ACAD11: variants seen among roughly 807,000 people sequenced by gnomAD.
ACAD11 encodes acyl-Coenzyme A dehydrogenase family, member 11.
Under a neutral mutation model 102.2 loss-of-function variants are expected in ACAD11, and 83 were observed. That is an observed-to-expected ratio of 0.81 (90% CI 0.68 to 0.97). ACAD11 has a LOEUF of 0.97. ACAD11 is among the 50% of genes least tolerant of loss of function. ACAD11 has a pLI of 0.00. For synonymous variants in ACAD11, 324 were observed against 319.8 expected, an observed-to-expected ratio of 1.01 and a Z score of -0.14; for missense variants, 901 against 951.7, an observed-to-expected ratio of 0.95 and a Z score of 0.70.
intron 11 of ACAD11, among the ~76,000 whole-genome samples, chr3:132,608,734 G>A (rs1351441792): frequency 4.6e-5 from 7 of 152,102 alleles, no homozygotes; most frequent in East Asian, 3.9e-4. Flanking sequence ...ACAGGTCGAC[G>A]AGACAGAAAA....
chr3:132,559,504 C>T (rs899950805), intron 19 of ACAD11, among the ~76,000 whole-genome samples: 18 of 152,044 alleles, frequency 1.2e-4, no homozygotes, highest in African/African-American at 4.3e-4. Context: ...GGAGAATGTT[C>T]CTTTCTGCCT....
chr3:132,592,565 T>A (rs1330722137), intron 13 of ACAD11, among the ~76,000 whole-genome samples: 1 of 152,194 alleles, frequency 6.6e-6, no homozygotes, highest in Non-Finnish European at 1.5e-5. Flanking sequence ...AAAGGAGAGA[T>A]GATAGGTGGA....
At chr3:132,646,852 ATAT>A (rs1274209686) in intron 1 of ACAD11, among the ~76,000 whole-genome samples, 1 of 152,226 alleles carries the variant, frequency 6.6e-6, no homozygotes, top group African/African-American at 2.4e-5. Context: ...AAAAGACTAC[ATAT>A]TATGTGATTC....
chr3:132,652,405 G>C (rs1313782532), intron 1 of ACAD11, among the ~76,000 whole-genome samples: 3 of 152,220 alleles, frequency 2.0e-5, no homozygotes, highest in African/African-American at 7.2e-5. Flanking sequence ...GTCTTTATTA[G>C]CAATATGAGA....
Position 132,611,818 on chromosome 3 carries a change from C to G in ACAD11, c.1415-6613G>C, listed in dbSNP as rs141073471. On this transcript the variant is annotated intron_variant, in intron 11 of 19. Coordinates refer to ENST00000264990, the MANE Select transcript of ACAD11 (RefSeq NM_032169.5). ...TACAGCCCAAGGTAATTTATAGATT[C>G]AATGCCATCCCCATCAAGCTACCAA... Among the ~76,000 whole-genome samples, 136 of 152,122 alleles carry G rather than the reference C, an allele frequency of 8.9e-4. 2 individuals are homozygous for G. The highest frequency in any genetic ancestry group is 2.9e-3 in the African/African-American group (122 of 41,406).
intron 13 of ACAD11, chr3:132,600,520 A>G: frequency 6.2e-7 from 1 of 1,613,936 alleles, no homozygotes; most frequent in Non-Finnish European, 8.5e-7. Flanking sequence ...AATTTGCAAA[A>G]GTTTTCCTCC....
intron 17 of ACAD11, among the ~76,000 whole-genome samples, chr3:132,569,863 T>C (rs1356170287): frequency 6.6e-6 from 1 of 152,148 alleles, no homozygotes; most frequent in Admixed American, 6.5e-5. Context: ...AGGATCCTTG[T>C]AGTGAATGGA....
At chr3:132,648,211 A>G (rs1940788008) in intron 1 of ACAD11, among the ~76,000 whole-genome samples, 1 of 152,162 alleles carries the variant, frequency 6.6e-6, no homozygotes, top group African/African-American at 2.4e-5. Context: ...ACACTTAGGG[A>G]AGCCCAAAGC....
chr3:132,615,635 A>G (rs1939375339), intron 11 of ACAD11, among the ~76,000 whole-genome samples: 1 of 152,182 alleles, frequency 6.6e-6, no homozygotes, highest in Admixed American at 6.5e-5. Flanking sequence ...ATGAAAACAC[A>G]TGGACACAGG....
chr3:132,624,141 C>CA (rs1399256214), intron 9 of ACAD11, among the ~76,000 whole-genome samples: 1 of 151,224 alleles, frequency 6.6e-6, no homozygotes, highest in African/African-American at 2.4e-5. Context: ...CAGGTCTCTA[C>CA]AAAAAAATGT....
chr3:132,576,807 G>A (rs114929481), intron 16 of ACAD11, 137 bp downstream of exon 16: 23 of 663,730 alleles, frequency 3.5e-5, no homozygotes, highest in African/African-American at 5.6e-5. Context: ...TTCAAAAACC[G>A]CAATAACTTT....
At chr3:132,583,980 T>G (rs190018589) in intron 13 of ACAD11, among the ~76,000 whole-genome samples, 50 of 152,320 alleles carry the variant, frequency 3.3e-4, no homozygotes, top group African/African-American at 1.2e-3. Context: ...TACTTCCAAC[T>G]ATGTGGTCAA....
At chr3:132,560,658 C>T (rs923349367) in intron 18 of ACAD11, among the ~76,000 whole-genome samples, 9 of 152,098 alleles carry the variant, frequency 5.9e-5, no homozygotes, top group African/African-American at 2.2e-4. Flanking sequence ...TCTCCCACCT[C>T]CACTTCCCAA....
intron 9 of ACAD11, among the ~76,000 whole-genome samples, chr3:132,624,067 C>T (rs960431315): frequency 1.3e-5 from 2 of 150,176 alleles, no homozygotes; most frequent in East Asian, 2.0e-4. Context: ...GTAATCCCAG[C>T]GCTCTGGGAG....
chr3:132,585,765 G>C (rs868742396), intron 13 of ACAD11, among the ~76,000 whole-genome samples: 1 of 152,248 alleles, frequency 6.6e-6, no homozygotes, highest in Non-Finnish European at 1.5e-5. Flanking sequence ...GGCTATCAGA[G>C]AAATGCAAAT....
chr3:132,559,938 G>A lies in ACAD11; in HGVS notation c.2123C>T (p.Ala708Val). Residue 708 changes from alanine to valine, a missense_variant, in exon 19 of 20, where the codon GCA (alanine) becomes GTA (valine). Ala to Val is a moderately conservative substitution (Grantham distance 64). Coordinates refer to ENST00000264990, the MANE Select transcript of ACAD11 (RefSeq NM_032169.5). ...LGSAGAKKEI[A>V]MIKVAAPRAV... Reference sequence around the variant, plus strand: ...CCGTGGGGCAGCCACTTTGATCATTGCAATCTATATAAGCAAAATATGAAA... The same window carrying A: ...CCGTGGGGCAGCCACTTTGATCATTACAATCTATATAAGCAAAATATGAAA... The A allele has an allele frequency of 2.5e-6, 4 of 1,610,394 alleles. No individual in the cohort carries two copies. The highest frequency in any genetic ancestry group is 3.4e-6 in the Non-Finnish European group (4 of 1,177,402).
rs762186010 is a variant in ACAD11, at chr3:132,577,026, G to T, written c.1775-11C>A. ...CTCCATGAAAATTATCTATAAAATA[G>T]AAAATAAAATTTAGAGCAAAAGGAG... On this transcript the variant is annotated splice_polypyrimidine_tract_variant and intron_variant, in intron 15 of 19. Transcript: ENST00000264990. 4.5e-6 allele frequency: 7 copies of T among 1,556,782 alleles called. No individual in the cohort carries two copies. Among genetic ancestry groups the T allele is most frequent in the Non-Finnish European group, 6.2e-6 (7 of 1,133,958 alleles).
In ACAD11 at chr3:132,592,684, G is replaced by A. The variant is rs1337311705; in HGVS notation, c.1621+10545C>T. Among the ~76,000 whole-genome samples the A allele has an allele frequency of 2.6e-5, 4 of 152,114 alleles. No homozygotes were observed. In the East Asian group the frequency reaches 5.8e-4, roughly 22 times the overall value. ...TAGCCATCCACAAATTCTCAAGGCC[G>A]TTTCTTCTACCAACATAGAATTTCT... is the stretch of plus-strand genomic sequence containing the variant. On this transcript the variant is annotated intron_variant, in intron 13 of 19. Transcript: ENST00000264990.
intron 13 of ACAD11, chr3:132,600,870 G>A: frequency 6.2e-7 from 1 of 1,613,934 alleles, no homozygotes; most frequent in Non-Finnish European, 8.5e-7. Flanking sequence ...TGGATCATCT[G>A]TTTCTGTGTC....
Sources: gnomAD v4.1 joint callset for allele counts (sites outside exome capture counted in the v4.1 genomes callset) on GRCh38, gnomAD v4.1.1 for gene constraint, MANE v1.5 for transcripts, NCBI Gene and HGNC (gene_info 2026-07-23, HGNC 2026-07-21) for gene names.